The following LIPK variants were observed in gnomAD, a reference collection of about 807,000 sequenced individuals.
LIPK encodes the protein lipase family member K.
In LIPK, 32 loss-of-function variants were observed where a neutral mutation model predicts 48.6. The observed-to-expected ratio is 0.66, with a 90% CI of 0.50 to 0.88. The LOEUF is 0.88. Among genes scored for constraint, LIPK ranks in the 40% least tolerant of loss-of-function variants. The pLI is 0.00. For missense variants in LIPK, 507 were observed against 478.5 expected (o/e 1.06, Z -0.56); for synonymous variants, 164 against 157.4 (o/e 1.04, Z -0.32).
chr10:88,730,922 A>G, intron 3 of LIPK, 61 bp from the exon 4 acceptor site: 1 of 1,398,752 alleles, frequency 7.1e-7, no homozygotes, highest in Non-Finnish European at 9.6e-7. Context: ...CAGGAATGAG[A>G]TTTTTCTTGT....
Position 88,722,889 on chromosome 10 carries a change from C to CTTTTTTTTTTTTTTTTTTTT in LIPK, c.-11-1632_-11-1631insTTTTTTTTTTTTTTTTTTTT, listed in dbSNP as rs398014386. Among the ~76,000 whole-genome samples, 8 of 113,170 alleles carry CTTTTTTTTTTTTTTTTTTTT rather than the reference C, an allele frequency of 7.1e-5. 1 individual carries two copies. The highest frequency in any genetic ancestry group is 2.9e-4 in the East Asian group (1 of 3,490). 74.2% of individuals were successfully genotyped at this position (113,170 alleles called of 152,430 possible). On this transcript the variant is annotated intron_variant, in intron 1 of 9. Coordinates refer to ENST00000404190, the MANE Select transcript of LIPK (RefSeq NM_001080518.2). The stretch of plus-strand genomic sequence containing the variant: ...AATTGTTTTTCTTCTTTTCTTTTTT[C>CTTTTTTTTTTTTTTTTTTTT]TTTTTTTTTTTTGACAGGGTTTCAC...
chr10:88,752,409 T>A, intron 9 of LIPK, 108 bp from the exon 10 acceptor site: 4 of 732,540 alleles, frequency 5.5e-6, no homozygotes, highest in Non-Finnish European at 8.9e-6. Context: ...GTAAACTAAT[T>A]GTACACTTGT....
intron 9 of LIPK, among the ~76,000 whole-genome samples, chr10:88,750,775 C>G (rs1490468177): frequency 6.6e-6 from 1 of 151,912 alleles, no homozygotes; most frequent in Non-Finnish European, 1.5e-5. Context: ...ATGTGGCAAG[C>G]CTGCACATGT....
At chr10:88,745,434 T>C (rs1056785298) in intron 9 of LIPK, among the ~76,000 whole-genome samples, 1 of 152,118 alleles carries the variant, frequency 6.6e-6, no homozygotes, top group African/African-American at 2.4e-5. Context: ...TGTGGACCTT[T>C]CAGCAGAAAC....
chr10:88,726,351 C>T (rs1842337884), intron 2 of LIPK, among the ~76,000 whole-genome samples: 4 of 152,140 alleles, frequency 2.6e-5, no homozygotes, highest in South Asian at 4.1e-4. Flanking sequence ...TATTACATGC[C>T]GTCACGGCAC....
chr10:88,749,536 G>A (rs561384114), intron 9 of LIPK, among the ~76,000 whole-genome samples: 5 of 152,164 alleles, frequency 3.3e-5, no homozygotes, highest in South Asian at 2.1e-4. Context: ...TCAATAATTG[G>A]TGCTGAGATA....
At chr10:88,712,484 A>G (rs772867651) in intron 1 of LIPK, among the ~76,000 whole-genome samples, 3 of 152,206 alleles carry the variant, frequency 2.0e-5, no homozygotes, top group East Asian at 3.8e-4. Flanking sequence ...TTACCTGTTA[A>G]TGGCCTAAAT....
chr10:88,750,581 T>C (rs1017251924), intron 9 of LIPK, among the ~76,000 whole-genome samples: 1 of 152,134 alleles, frequency 6.6e-6, no homozygotes, highest in Non-Finnish European at 1.5e-5. Flanking sequence ...CTCTCACTTA[T>C]AAGTGGGGGC....
In LIPK at chr10:88,740,072, G is replaced by A; in HGVS notation, c.888+5G>A. 6.2e-7 allele frequency: 1 copy of A among 1,604,470 alleles called. No homozygotes were observed. Among genetic ancestry groups the A allele is most frequent in the Non-Finnish European group, 8.5e-7 (1 of 1,173,760 alleles). On this transcript the variant is annotated splice_donor_5th_base_variant and intron_variant, in intron 8 of 9. Transcript: ENST00000404190. ...AATATGCTGCACTGGGCTCAGGTAA[G>A]TGCTTCTTATTCCTGCTTGATGCAC...
chr10:88,732,531 C>T lies in LIPK; in HGVS notation c.649C>T (p.Leu217Phe). The T allele has an allele frequency of 6.2e-7, 1 of 1,611,080 alleles. No individual in the cohort carries two copies. The highest frequency in any genetic ancestry group is 1.3e-5 in the African/African-American group (1 of 74,826). Residue 217 changes from leucine to phenylalanine, a missense_variant, in exon 6 of 10, where the codon CTT becomes TTT. Physicochemically the swap from Leu to Phe is conservative, Grantham distance 22. Coordinates refer to ENST00000404190, the MANE Select transcript of LIPK (RefSeq NM_001080518.2). Reference protein sequence around the residue: ...TQSPMKKLTTLSRRVVKVLFG... With the variant: ...TQSPMKKLTTFSRRVVKVLFG... ...AAGTCCTATGAAAAAACTAACAACC[C>T]TTTCCAGGCGAGTAGTTAAGGTATG... is the stretch of plus-strand genomic sequence containing the variant.
In LIPK at chr10:88,752,719, A is replaced by C; in HGVS notation, c.1163A>C (p.Asp388Ala). 1 of 1,562,444 alleles carries C rather than the reference A, an allele frequency of 6.4e-7. No homozygotes were observed. Among genetic ancestry groups the C allele is most frequent in the Non-Finnish European group, 8.7e-7 (1 of 1,149,348 alleles). ...GEDAPQEIYQ[D>A]LIILMEEYLQ... is the part of the protein sequence containing the mutation. ...GATGCACCTCAGGAAATTTACCAAG[A>C]CCTAATTATATTGATGGAAGAATAT... The change falls in exon 10 of 10, where the codon GAC becomes GCC. Residue 388 changes from aspartate to alanine, a missense_variant. Physicochemically the swap from Asp to Ala is moderately radical, Grantham distance 126. Coordinates refer to ENST00000404190, the MANE Select transcript of LIPK (RefSeq NM_001080518.2).
Position 88,724,573 on chromosome 10 carries a change from G to A in LIPK, c.30G>A (p.Trp10Ter). MWQLLAAAC[W>*]MLLLGSMYGY... Reference sequence around the variant, plus strand: ...GGCAGCTTTTAGCAGCAGCATGCTGGATGCTTCTTCTTGGATCTATGTATG... The same window carrying A: ...GGCAGCTTTTAGCAGCAGCATGCTGAATGCTTCTTCTTGGATCTATGTATG... Residue 10 changes from tryptophan to a stop codon, truncating the protein, a stop_gained, in exon 2 of 10, where the codon TGG becomes TGA. Transcript: ENST00000404190. LOFTEE classifies it high-confidence loss of function. 1.2e-6 allele frequency: 2 copies of A among 1,609,176 alleles called. No homozygotes were observed. The highest frequency in any genetic ancestry group is 1.7e-6 in the Non-Finnish European group (2 of 1,178,194).
chr10:88,745,099 A>T (rs1842744105), intron 9 of LIPK, among the ~76,000 whole-genome samples: 1 of 152,240 alleles, frequency 6.6e-6, no homozygotes, highest in African/African-American at 2.4e-5. Flanking sequence ...AATTTAAAAA[A>T]TGAACAAAAT....
Position 88,731,030 on chromosome 10 carries a change from A to G in LIPK, c.271A>G (p.Ser91Gly), listed in dbSNP as rs1842454893. The G allele has an allele frequency of 6.3e-7, 1 of 1,597,376 alleles. No individual in the cohort carries two copies. The highest frequency in any genetic ancestry group is 2.2e-5 in the East Asian group (1 of 44,502). The change falls in exon 4 of 10, where the codon AGT becomes GGT. Residue 91 changes from serine to glycine, a missense_variant. Coordinates refer to ENST00000404190, the MANE Select transcript of LIPK (RefSeq NM_001080518.2). ...GCAGCATGGCTTAATTGCATCTGCC[A>G]GTAACTGGATTTGCAACCTGCCCAA... is the stretch of plus-strand genomic sequence containing the variant. ...YLQHGLIASA[S>G]NWICNLPNNS...
intron 9 of LIPK, among the ~76,000 whole-genome samples, chr10:88,751,863 G>C (rs1034057969): frequency 6.6e-6 from 1 of 152,178 alleles, no homozygotes; most frequent in Non-Finnish European, 1.5e-5. Flanking sequence ...CCCAGTTTTA[G>C]TCACGTGCCC....
intron 9 of LIPK, among the ~76,000 whole-genome samples, chr10:88,748,879 A>G (rs539845176): frequency 6.6e-6 from 1 of 152,278 alleles, no homozygotes; most frequent in South Asian, 2.1e-4. Context: ...ATGTGATTCT[A>G]TATCTAAAAA....
intron 8 of LIPK, among the ~76,000 whole-genome samples, chr10:88,740,979 G>A (rs951817902): frequency 1.5e-4 from 23 of 152,268 alleles, no homozygotes; most frequent in Admixed American, 3.3e-4. Context: ...GAAGAAAGAT[G>A]TTCAGGATAT....
chr10:88,739,872 T>C, intron 7 of LIPK, 124 bp from the exon 8 acceptor site: 1 of 556,834 alleles, frequency 1.8e-6, no homozygotes, highest in Non-Finnish European at 3.0e-6. Context: ...AAAATAAAAA[T>C]AAAAATAAAA....
rs1381539808 is a variant in LIPK, at chr10:88,731,029, C to T, written c.270C>T (p.Ala90=). The T allele has an allele frequency of 1.3e-6, 2 of 1,596,682 alleles. No homozygotes were observed. The highest frequency in any genetic ancestry group is 1.7e-6 in the Non-Finnish European group (2 of 1,170,938). ...TGCAGCATGGCTTAATTGCATCTGC[C>T]AGTAACTGGATTTGCAACCTGCCCA... is the stretch of plus-strand genomic sequence containing the variant. ...VYLQHGLIAS[A]SNWICNLPNN... is the part of the protein sequence containing the mutation. The change falls in exon 4 of 10, where the codon GCC becomes GCT. Residue 90 remains alanine, a synonymous_variant. Transcript: ENST00000404190.
Sources: gnomAD v4.1 joint callset for allele counts (sites outside exome capture counted in the v4.1 genomes callset) on GRCh38, gnomAD v4.1.1 for gene constraint, MANE v1.5 for transcripts, NCBI Gene and HGNC (gene_info 2026-07-23, HGNC 2026-07-21) for gene names.